Variants in TET1 observed in about 807,000 individuals in gnomAD.
TET1 encodes tet methylcytosine dioxygenase 1.
In TET1, 13 loss-of-function variants were observed where a neutral mutation model predicts 148.7. That is an observed-to-expected ratio of 0.09 (90% CI 0.06 to 0.14). The LOEUF (loss-of-function observed/expected upper bound fraction) is 0.14, where lower values mean the gene tolerates loss of function less well. TET1 is among the 10% of genes least tolerant of loss of function. The probability of loss-of-function intolerance (pLI) is 1.00; values close to 1 mark genes in which losing one functional copy is unlikely to be tolerated. For missense variants in TET1, 2,182 were observed against 2,553.8 expected, an observed-to-expected ratio of 0.85 and a Z score of 3.14; for synonymous variants, 907 against 937.2, an observed-to-expected ratio of 0.97 and a Z score of 0.59.
intron 7 of TET1, among the ~76,000 whole-genome samples, chr10:68,671,936 G>T (rs9919477): frequency 1.3e-5 from 2 of 151,950 alleles, no homozygotes; most frequent in Non-Finnish European, 2.9e-5. Flanking sequence ...TAGAGATGGG[G>T]TTTCCCCATG....
chr10:68,659,533 G>A (rs2055075112), intron 6 of TET1, among the ~76,000 whole-genome samples: 1 of 152,096 alleles, frequency 6.6e-6, no homozygotes, highest in South Asian at 2.1e-4. Context: ...TACCCAGGCT[G>A]GTCTCGAACT....
In TET1 at chr10:68,560,551, C is replaced by T. The variant is rs888421786; in HGVS notation, c.-314C>T. On this transcript the variant is annotated 5_prime_UTR_variant, in exon 1 of 12. Coordinates refer to ENST00000373644, the MANE Select transcript of TET1 (RefSeq NM_030625.3). ...ACCTTTGGGAACCGACTCCTCACCTCGGGGGCTCGGGCCTTGACTGTGCTG... is the reference window on the plus strand; with the variant it reads ...ACCTTTGGGAACCGACTCCTCACCTTGGGGGCTCGGGCCTTGACTGTGCTG... 6.6e-6 allele frequency: 1 copy of T among 152,336 alleles called. No homozygotes were observed. The highest frequency in any genetic ancestry group is 6.5e-5 in the Admixed American group (1 of 15,290). 9.4% of individuals were successfully genotyped at this position (152,336 alleles called of 1,614,324 possible).
chr10:68,607,459 G>T (rs1004306627), intron 3 of TET1, among the ~76,000 whole-genome samples: 1 of 151,228 alleles, frequency 6.6e-6, no homozygotes, highest in African/African-American at 2.4e-5. Context: ...CTTGAGACAG[G>T]TCTCACTCTG....
At chr10:68,571,076 C>T (rs1339609872) in intron 1 of TET1, among the ~76,000 whole-genome samples, 3 of 151,334 alleles carry the variant, frequency 2.0e-5, no homozygotes, top group Admixed American at 1.3e-4. Context: ...CTGCAACCTC[C>T]GTCTCCTGGG....
chr10:68,626,221 GTC>G (rs1249332515), intron 3 of TET1, among the ~76,000 whole-genome samples: 3 of 151,046 alleles, frequency 2.0e-5, no homozygotes, highest in African/African-American at 4.9e-5. Flanking sequence ...TTTTTACTTT[GTC>G]TCTCTCTTTT....
intron 5 of TET1, 22 bp from the exon 6 acceptor site, chr10:68,652,479 C>G: frequency 1.3e-6 from 2 of 1,554,888 alleles, no homozygotes; most frequent in Non-Finnish European, 1.8e-6. Context: ...AGTACATTCC[C>G]TTCACTGTGT....
intron 3 of TET1, among the ~76,000 whole-genome samples, chr10:68,628,297 C>T (rs962216102): frequency 4.1e-4 from 62 of 152,276 alleles, no homozygotes; most frequent in African/African-American, 1.4e-3. Flanking sequence ...GCAATAAAGG[C>T]CACTAAATCT....
At chr10:68,604,466 T>C (rs1307067361) in intron 3 of TET1, among the ~76,000 whole-genome samples, 1 of 151,846 alleles carries the variant, frequency 6.6e-6, no homozygotes, top group Non-Finnish European at 1.5e-5. Flanking sequence ...GGATGGTGAG[T>C]GGAAACCAGG....
chr10:68,563,708 G>A (rs2053578522), intron 1 of TET1, among the ~76,000 whole-genome samples: 1 of 152,212 alleles, frequency 6.6e-6, no homozygotes, highest in Non-Finnish European at 1.5e-5. Context: ...TTGAGACGGA[G>A]TCTCGCTCTG....
chr10:68,585,647 T>C (rs2053852353), intron 2 of TET1, among the ~76,000 whole-genome samples: 3 of 152,004 alleles, frequency 2.0e-5, no homozygotes, highest in African/African-American at 7.3e-5. Flanking sequence ...TTGTATTGGA[T>C]TTCAGAGAAA....
chr10:68,680,438 AG>A (rs1003990619), intron 8 of TET1, among the ~76,000 whole-genome samples: 1 of 152,148 alleles, frequency 6.6e-6, no homozygotes, highest in Admixed American at 6.6e-5. Context: ...TCAGCCTCCC[AG>A]GTTCTAGCAA....
intron 7 of TET1, among the ~76,000 whole-genome samples, chr10:68,668,173 C>A (rs184405446): frequency 6.6e-6 from 1 of 152,238 alleles, no homozygotes; most frequent in Non-Finnish European, 1.5e-5. Context: ...GCTATTAACT[C>A]TTATTCTGTG....
chr10:68,606,653 C>A (rs1478529931), intron 3 of TET1, among the ~76,000 whole-genome samples: 1 of 150,950 alleles, frequency 6.6e-6, no homozygotes, highest in African/African-American at 2.4e-5. Context: ...TAGTCCCAGG[C>A]AACTAATCCC....
chr10:68,667,787 C>T (rs1282989950), intron 7 of TET1, among the ~76,000 whole-genome samples: 5 of 151,602 alleles, frequency 3.3e-5, no homozygotes, highest in Non-Finnish European at 4.4e-5. Context: ...TTCATTGCTT[C>T]CCAAAAAGGG....
chr10:68,650,735 T>A (rs564324953), intron 4 of TET1, among the ~76,000 whole-genome samples: 2 of 152,326 alleles, frequency 1.3e-5, no homozygotes, highest in African/African-American at 4.8e-5. Flanking sequence ...AGGTATACCA[T>A]GGCTAGAAAT....
intron 3 of TET1, among the ~76,000 whole-genome samples, chr10:68,626,127 A>AAAAG (rs10660283): frequency 0.57 from 67,408 of 118,624 alleles, 20,996 homozygotes; most frequent in African/African-American, 0.68. Context: ...AAAAGAAAAG[A>AAAAG]AAATACTTAA....
At chr10:68,669,518 G>T (rs192117148) in intron 7 of TET1, among the ~76,000 whole-genome samples, 3,280 of 135,166 alleles carry the variant, frequency 0.024, 72 homozygotes, top group African/African-American at 0.06. Flanking sequence ...TTTTGGGGGG[G>T]TTTTTTTTTG....
intron 2 of TET1, among the ~76,000 whole-genome samples, chr10:68,600,268 A>G (rs1405722838): frequency 1.3e-5 from 2 of 152,110 alleles, no homozygotes; most frequent in East Asian, 3.9e-4. Context: ...CCCCTCCCCC[A>G]TGCAGACCTG....
At chr10:68,616,168 GATA>G (rs2054286920) in intron 3 of TET1, among the ~76,000 whole-genome samples, 1 of 152,070 alleles carries the variant, frequency 6.6e-6, no homozygotes, top group South Asian at 2.1e-4. Context: ...TATTTCATCA[GATA>G]ATAATTTACT....
Sources: gnomAD v4.1 joint callset for allele counts (sites outside exome capture counted in the v4.1 genomes callset) on GRCh38, gnomAD v4.1.1 for gene constraint, MANE v1.5 for transcripts, NCBI Gene and HGNC (gene_info 2026-07-23, HGNC 2026-07-21) for gene names.